ZNF831: variants seen among roughly 807,000 people sequenced by gnomAD.
The protein encoded by ZNF831 is zinc finger protein 831.
ZNF831 carries 59 observed loss-of-function variants against 95.8 expected under a neutral mutation model. The ratio of observed to expected loss-of-function variants is 0.62; its 90% CI spans 0.50 to 0.77. The LOEUF is 0.77. Among genes scored for constraint, ZNF831 ranks in the 30% least tolerant of loss-of-function variants. ZNF831 has a pLI of 0.00. For missense variants in ZNF831, 2,205 were observed against 2,164.0 expected (o/e 1.02, Z -0.38); for synonymous variants, 961 against 925.5 (o/e 1.04, Z -0.70).
intron 5 of ZNF831, 29 bp from the exon 6 acceptor site, chr20:59,253,869 C>CCCCTTT: frequency 9.4e-7 from 1 of 1,067,574 alleles, no homozygotes. Context: ...TCCCCCCCCA[C>CCCCTTT]TTTTTTTTTC....
chr20:59,245,181 C>T (rs946352299), intron 4 of ZNF831, among the ~76,000 whole-genome samples: 9 of 152,244 alleles, frequency 5.9e-5, no homozygotes, highest in Admixed American at 3.3e-4. Context: ...CAAGCGGCCT[C>T]TCATTCAAAT....
rs189240198 is a variant in ZNF831 at position 59,256,317 on chromosome 20, C to A, written c.*1574C>A. 1 of 152,180 alleles carries A rather than the reference C, an allele frequency of 6.6e-6. No individual in the cohort carries two copies. The highest frequency in any genetic ancestry group is 1.5e-5 in the Non-Finnish European group (1 of 68,046). 9.4% of individuals were successfully genotyped at this position (152,180 alleles called of 1,614,324 possible). On this transcript the variant is annotated 3_prime_UTR_variant, in exon 6 of 6. Coordinates refer to ENST00000371030, the MANE Select transcript of ZNF831 (RefSeq NM_178457.3). ...TATTTGTGACCATTTCATATGCACTCATAAATATCCAAGGATTTCAGGCCC... is the reference window on the plus strand; with the variant it reads ...TATTTGTGACCATTTCATATGCACTAATAAATATCCAAGGATTTCAGGCCC...
intron 1 of ZNF831, among the ~76,000 whole-genome samples, chr20:59,177,739 T>A (rs563819799): frequency 2.6e-5 from 4 of 152,308 alleles, no homozygotes; most frequent in Admixed American, 2.6e-4. Context: ...CTCATCCTCC[T>A]GGGAGCTCAT....
chr20:59,258,764 G>A lies in ZNF831; in HGVS notation c.*4021G>A, dbSNP rs1455316246. 1 of 152,188 alleles carries A rather than the reference G, an allele frequency of 6.6e-6. No individual in the cohort carries two copies. The allele number at this position is 152,188 out of a possible 1,614,324, so 9.4% of individuals were successfully genotyped here. A position where few individuals can be genotyped will look rare whatever the true frequency, so the allele number is the denominator to read the frequency against. On this transcript the variant is annotated 3_prime_UTR_variant, in exon 6 of 6. Transcript: ENST00000371030. ...CAGAACCCATTAAATATAAGGGTCAGAACCTAGAAAATCTTATGTGCTGGA... is the reference window on the plus strand; with the variant it reads ...CAGAACCCATTAAATATAAGGGTCAAAACCTAGAAAATCTTATGTGCTGGA...
At chr20:59,198,866 A>G (rs1045163193) in intron 3 of ZNF831, among the ~76,000 whole-genome samples, 1 of 151,542 alleles carries the variant, frequency 6.6e-6, no homozygotes, top group Non-Finnish European at 1.5e-5. Flanking sequence ...CCATCTGCAC[A>G]CTCCTCCTCT....
intron 1 of ZNF831, among the ~76,000 whole-genome samples, chr20:59,184,631 G>T (rs569599114): frequency 1.5e-4 from 23 of 152,300 alleles, no homozygotes; most frequent in African/African-American, 5.3e-4. Flanking sequence ...GGTGGTCCAG[G>T]ATGAACGGAA....
chr20:59,156,313 G>A (rs1001603223), intron 2 of ZNF831, among the ~76,000 whole-genome samples: 4 of 152,148 alleles, frequency 2.6e-5, no homozygotes, highest in Non-Finnish European at 4.4e-5. Flanking sequence ...ATCACCTGAG[G>A]TCAGGAGTCT....
At chr20:59,247,173 A>G (rs529007770) in intron 4 of ZNF831, among the ~76,000 whole-genome samples, 1 of 152,344 alleles carries the variant, frequency 6.6e-6, no homozygotes, top group Non-Finnish European at 1.5e-5. Context: ...TCAGACTTAG[A>G]AAGCCATCCA....
chr20:59,132,734 C>T (rs1242602902), intron 1 of ZNF831, among the ~76,000 whole-genome samples: 2 of 152,196 alleles, frequency 1.3e-5, no homozygotes, highest in African/African-American at 4.8e-5. Context: ...AACTTGAATC[C>T]TCAGCAAACT....
At chr20:59,186,340 C>T (rs147811203) in intron 1 of ZNF831, among the ~76,000 whole-genome samples, 13 of 152,096 alleles carry the variant, frequency 8.5e-5, no homozygotes, top group African/African-American at 2.2e-4. Flanking sequence ...GCTGAGCTGA[C>T]GGATGGGGGA....
chr20:59,135,763 T>C (rs1371069377), intron 1 of ZNF831, among the ~76,000 whole-genome samples: 3 of 152,124 alleles, frequency 2.0e-5, no homozygotes, highest in South Asian at 4.1e-4. Context: ...CCAGGCATGA[T>C]GGTGCATGCC....
At chr20:59,220,992 A>G (rs1986037219) in intron 4 of ZNF831, among the ~76,000 whole-genome samples, 1 of 152,224 alleles carries the variant, frequency 6.6e-6, no homozygotes, top group Non-Finnish European at 1.5e-5. Context: ...TCTGGTGCCC[A>G]AGAACCCCAT....
At chr20:59,188,389 A>T (rs906879473) in intron 1 of ZNF831, among the ~76,000 whole-genome samples, 3 of 152,112 alleles carry the variant, frequency 2.0e-5, no homozygotes, top group African/African-American at 7.2e-5. Context: ...TGTGGTTTTG[A>T]TTTACATTTT....
At chr20:59,237,548 T>C (rs1987069523) in intron 4 of ZNF831, among the ~76,000 whole-genome samples, 1 of 152,296 alleles carries the variant, frequency 6.6e-6, no homozygotes, top group Middle Eastern at 3.4e-3. Flanking sequence ...GGTTTCACCA[T>C]GTTGGCCAGG....
intron 4 of ZNF831, among the ~76,000 whole-genome samples, chr20:59,252,198 ATACACAGTTAGGCTTGACTT>A (rs1766036023): frequency 6.6e-6 from 1 of 152,226 alleles, no homozygotes; most frequent in South Asian, 2.1e-4. Flanking sequence ...GTTTTTCTTA[ATACACAGTTAGGCTTGACTT>A]TTCAGACTGC....
In ZNF831 at chr20:59,193,985, C is replaced by A. The variant is rs2146592393; in HGVS notation, c.2966C>A (p.Ser989Tyr). Residue 989 changes from serine to tyrosine, a missense_variant, in exon 2 of 6, where the codon TCT becomes TAT. Coordinates refer to ENST00000371030, the MANE Select transcript of ZNF831 (RefSeq NM_178457.3). ...FVGSGLGTPLSPSPASGPSPG... is the reference protein window; with the variant it reads ...FVGSGLGTPLYPSPASGPSPG... ...GGGTCAGGACTGGGGACCCCTCTTT[C>A]TCCCAGCCCAGCCTCAGGCCCCTCC... 1 of 1,534,488 alleles carries A rather than the reference C, an allele frequency of 6.5e-7. No individual in the cohort carries two copies. The highest frequency in any genetic ancestry group is 1.4e-5 in the African/African-American group (1 of 72,700).
At chr20:59,222,303 G>C (rs1986132901) in intron 4 of ZNF831, among the ~76,000 whole-genome samples, 1 of 152,104 alleles carries the variant, frequency 6.6e-6, no homozygotes, top group Admixed American at 6.5e-5. Flanking sequence ...GGCGGGGTGG[G>C]TGCGGACCCC....
At chr20:59,187,114 C>A (rs1983113089) in intron 1 of ZNF831, among the ~76,000 whole-genome samples, 1 of 152,096 alleles carries the variant, frequency 6.6e-6, no homozygotes. Flanking sequence ...CCAGCACATC[C>A]CACATAAATG....
At chr20:59,181,213 T>C in intron 1 of ZNF831, among the ~76,000 whole-genome samples, 1 of 152,248 alleles carries the variant, frequency 6.6e-6, no homozygotes, top group East Asian at 1.9e-4. Context: ...GCCCACTTTT[T>C]GATGGGGTTG....
Sources: gnomAD v4.1 joint callset for allele counts (sites outside exome capture counted in the v4.1 genomes callset) on GRCh38, gnomAD v4.1.1 for gene constraint, MANE v1.5 for transcripts, NCBI Gene and HGNC (gene_info 2026-07-23, HGNC 2026-07-21) for gene names.